KIAA1549L: variants seen among roughly 807,000 people sequenced by gnomAD.
KIAA1549L encodes the protein KIAA1549 like.
Under a neutral mutation model 160.7 loss-of-function variants are expected in KIAA1549L, and 88 were observed. The observed-to-expected ratio is 0.55, with a 90% CI of 0.46 to 0.65. KIAA1549L has a LOEUF of 0.65. Ranked by LOEUF, KIAA1549L falls within the 30% of genes least tolerant of loss-of-function variation. The pLI is 0.00. For synonymous variants in KIAA1549L, 950 were observed against 976.7 expected, an observed-to-expected ratio of 0.97 and a Z score of 0.51; for missense variants, 2,258 against 2,437.5, an observed-to-expected ratio of 0.93 and a Z score of 1.55.
At chr11:33,525,022 C>A (rs755860021) in intron 1 of KIAA1549L, among the ~76,000 whole-genome samples, 24 of 152,038 alleles carry the variant, frequency 1.6e-4, no homozygotes, top group Non-Finnish European at 2.8e-4. Context: ...AAAAAGTTGA[C>A]CAGATTTTTA....
intron 11 of KIAA1549L, among the ~76,000 whole-genome samples, chr11:33,588,305 G>C (rs144268332): frequency 6.6e-6 from 1 of 152,294 alleles, no homozygotes; most frequent in African/African-American, 2.4e-5. Flanking sequence ...TAATGGGGGC[G>C]TGAGGGTGTG....
chr11:33,439,173 A>G (rs1273219619), intron 1 of KIAA1549L, among the ~76,000 whole-genome samples: 2 of 152,152 alleles, frequency 1.3e-5, no homozygotes, highest in Non-Finnish European at 2.9e-5. Flanking sequence ...TGGCCTCCCA[A>G]AGTGCTGGGA....
At chr11:33,406,502 CTT>C (rs781746519) in intron 1 of KIAA1549L, among the ~76,000 whole-genome samples, 18 of 152,248 alleles carry the variant, frequency 1.2e-4, no homozygotes, top group Non-Finnish European at 2.2e-4. Context: ...CATCTCCTCT[CTT>C]AGGGACAGGT....
At chr11:33,629,112 C>T (rs188184848) in intron 16 of KIAA1549L, among the ~76,000 whole-genome samples, 2,888 of 151,556 alleles carry the variant, frequency 0.019, 101 homozygotes, top group African/African-American at 0.067. Context: ...TGAATTTTGG[C>T]CCCCACTCTC....
chr11:33,440,967 C>T (rs181921542), intron 1 of KIAA1549L, among the ~76,000 whole-genome samples: 9 of 151,948 alleles, frequency 5.9e-5, no homozygotes, highest in South Asian at 2.1e-4. Flanking sequence ...ATGTGCACAA[C>T]GTGCAGGTTT....
Position 33,559,848 on chromosome 11 carries a change from A to G in KIAA1549L, c.3955A>G (p.Ser1319Gly), listed in dbSNP as rs1246983571. Reference protein sequence around the residue: ...LNGTVASSLLSQLSAELVGFY... With the variant: ...LNGTVASSLLGQLSAELVGFY... ...CGGCACCGTCGCCAGCAGCCTCCTC[A>G]GCCAGCTCTCGGCTGAGCTGGTGGG... The change falls in exon 7 of 21, where the codon AGC (serine) becomes GGC (glycine). Residue 1319 changes from serine (S) to glycine (G), a missense_variant. Around this residue, in one of 6 missense-constraint regions of KIAA1549L, gnomAD observed 1,359 missense variants for 1,546.6 expected, o/e 0.88. Transcript: ENST00000658780. 2 of 1,613,942 alleles carry G rather than the reference A, an allele frequency of 1.2e-6. No homozygotes were observed. The highest frequency in any genetic ancestry group is 1.1e-5 in the South Asian group (1 of 91,080).
chr11:33,574,612 G>C, intron 9 of KIAA1549L, 90 bp from the exon 10 acceptor site: 1 of 1,269,252 alleles, frequency 7.9e-7, no homozygotes, highest in Non-Finnish European at 1.1e-6. Flanking sequence ...GTCTTCAGCA[G>C]TCAGGAGAGG....
At chr11:33,637,838 G>T (rs1455794439) in intron 16 of KIAA1549L, among the ~76,000 whole-genome samples, 1 of 152,162 alleles carries the variant, frequency 6.6e-6, no homozygotes, top group East Asian at 1.9e-4. Flanking sequence ...CTGTGTGAAG[G>T]CGCCATCTCC....
At chr11:33,569,595 C>G (rs1855173426) in intron 9 of KIAA1549L, among the ~76,000 whole-genome samples, 4 of 152,240 alleles carry the variant, frequency 2.6e-5, no homozygotes, top group African/African-American at 9.6e-5. Flanking sequence ...GACAACCCAT[C>G]TTAATGAACA....
Position 33,543,256 on chromosome 11 carries a change from G to A in KIAA1549L, c.1693G>A (p.Val565Met). 1 of 1,614,064 alleles carries A rather than the reference G, an allele frequency of 6.2e-7. No individual in the cohort carries two copies. Among genetic ancestry groups the A allele is most frequent in the South Asian group, 1.1e-5 (1 of 91,090 alleles). The change falls in exon 2 of 21, where the codon GTG becomes ATG. Residue 565 changes from valine to methionine, a missense_variant. Transcript: ENST00000658780. ...WTFPRWKKDS[V>M]TAILGKNEEA... Reference sequence around the variant, plus strand: ...ATTTCCCCGGTGGAAAAAGGACAGTGTGACAGCCATTTTAGGGAAGAATGA... The same window carrying A: ...ATTTCCCCGGTGGAAAAAGGACAGTATGACAGCCATTTTAGGGAAGAATGA...
At chr11:33,593,999 G>A (rs971434393) in intron 12 of KIAA1549L, among the ~76,000 whole-genome samples, 1 of 152,048 alleles carries the variant, frequency 6.6e-6, no homozygotes, top group Non-Finnish European at 1.5e-5. Flanking sequence ...GATGGGGAAG[G>A]ATCAACAAAG....
chr11:33,418,055 A>G lies in KIAA1549L; in HGVS notation c.238+41166A>G, dbSNP rs539315494. On this transcript the variant is annotated intron_variant, in intron 1 of 20. Coordinates refer to ENST00000658780, the MANE Select transcript of KIAA1549L (RefSeq NM_012194.3). ...CAGCCTCCCAAAGTGCTGGGATTAC[A>G]GGCGTGAGCCACCACACCTGGTTCC... Among the ~76,000 whole-genome samples the G allele has an allele frequency of 1.1e-3, 174 of 152,338 alleles. 1 individual carries two copies. Among genetic ancestry groups the G allele is most frequent in the African/African-American group, 4.0e-3 (168 of 41,586 alleles).
intron 1 of KIAA1549L, among the ~76,000 whole-genome samples, chr11:33,475,563 A>G (rs974677150): frequency 6.6e-6 from 1 of 151,814 alleles, no homozygotes; most frequent in Non-Finnish European, 1.5e-5. Flanking sequence ...CTCTTTAAAA[A>G]AAAAAAAGGC....
chr11:33,447,882 T>C (rs1454937716), intron 1 of KIAA1549L, among the ~76,000 whole-genome samples: 1 of 152,106 alleles, frequency 6.6e-6, no homozygotes, highest in East Asian at 1.9e-4. Flanking sequence ...GGTAGAAGTA[T>C]GCAGAAGATG....
At chr11:33,552,812 C>T (rs2133201846) in intron 6 of KIAA1549L, among the ~76,000 whole-genome samples, 1 of 152,264 alleles carries the variant, frequency 6.6e-6, no homozygotes, top group South Asian at 2.1e-4. Flanking sequence ...TTCTTACTCC[C>T]ATTTCACAGA....
chr11:33,652,294 C>T (rs1166952692), intron 17 of KIAA1549L, among the ~76,000 whole-genome samples: 1 of 152,084 alleles, frequency 6.6e-6, no homozygotes, highest in Non-Finnish European at 1.5e-5. Flanking sequence ...GGAACATGCA[C>T]AGGAGTGGGT....
chr11:33,539,275 A>G (rs1301870341), intron 1 of KIAA1549L, among the ~76,000 whole-genome samples: 3 of 152,148 alleles, frequency 2.0e-5, no homozygotes, highest in African/African-American at 7.2e-5. Flanking sequence ...TAAACCATCC[A>G]ATATCCTATT....
At chr11:33,624,693 C>T (rs1286398902) in intron 16 of KIAA1549L, among the ~76,000 whole-genome samples, 1 of 151,418 alleles carries the variant, frequency 6.6e-6, no homozygotes. Context: ...ATGCACAGGG[C>T]CACATAGGCT....
At chr11:33,432,257 C>G (rs936269108) in intron 1 of KIAA1549L, among the ~76,000 whole-genome samples, 5 of 152,192 alleles carry the variant, frequency 3.3e-5, no homozygotes, top group African/African-American at 1.2e-4. Flanking sequence ...GCAGAGGAGG[C>G]GCCGAGAGCA....
Sources: gnomAD v4.1 joint callset for allele counts (sites outside exome capture counted in the v4.1 genomes callset) on GRCh38, gnomAD v4.1.1 for gene constraint, gnomAD v4.1.1 regional missense constraint, MANE v1.5 for transcripts, NCBI Gene and HGNC (gene_info 2026-07-23, HGNC 2026-07-21) for gene names.